The following IGF2BP2 variants were observed in gnomAD, a reference collection of about 807,000 sequenced individuals.
IGF2BP2 encodes insulin like growth factor 2 mRNA binding protein 2.
A neutral mutation model predicts 75.8 loss-of-function variants in IGF2BP2; 17 were observed. The observed-to-expected ratio is 0.22, with a 90% CI of 0.15 to 0.34. IGF2BP2 has a LOEUF of 0.34. IGF2BP2 is among the 10% of genes least tolerant of loss of function. The pLI is 1.00. For missense variants in IGF2BP2, 516 were observed against 772.4 expected, an observed-to-expected ratio of 0.67 and a Z score of 3.93; for synonymous variants, 288 against 295.6, an observed-to-expected ratio of 0.97 and a Z score of 0.26.
intron 2 of IGF2BP2, among the ~76,000 whole-genome samples, chr3:185,700,164 G>A (rs1026230610): frequency 6.6e-6 from 1 of 151,986 alleles, no homozygotes; most frequent in Admixed American, 6.6e-5. Flanking sequence ...CTGGGCAACA[G>A]CCCCAGAGAG....
chr3:185,780,110 C>T (rs1364418647), intron 2 of IGF2BP2, among the ~76,000 whole-genome samples: 1 of 152,146 alleles, frequency 6.6e-6, no homozygotes, highest in African/African-American at 2.4e-5. Flanking sequence ...TGGAATGTTC[C>T]ACTTAGTATG....
chr3:185,726,865 C>T (rs1001605429), intron 2 of IGF2BP2, among the ~76,000 whole-genome samples: 8 of 152,130 alleles, frequency 5.3e-5, no homozygotes, highest in Non-Finnish European at 1.2e-4. Context: ...TTCTCTGAAA[C>T]TTACCAAGGG....
At chr3:185,800,718 A>AAAAG (rs1553893939) in intron 2 of IGF2BP2, among the ~76,000 whole-genome samples, 69 of 143,394 alleles carry the variant, frequency 4.8e-4, no homozygotes, top group South Asian at 1.4e-3. Flanking sequence ...GAGCCAAAAA[A>AAAAG]AAAGAAAGAA....
At chr3:185,703,690 C>T (rs1479750107) in intron 2 of IGF2BP2, among the ~76,000 whole-genome samples, 2 of 152,116 alleles carry the variant, frequency 1.3e-5, no homozygotes, top group African/African-American at 4.8e-5. Context: ...AGGAGAATCA[C>T]TTGAACCTGG....
intron 2 of IGF2BP2, among the ~76,000 whole-genome samples, chr3:185,800,642 C>G (rs1186187707): frequency 6.6e-6 from 1 of 151,348 alleles, no homozygotes; most frequent in Non-Finnish European, 1.5e-5. Context: ...GAGGTTGAGG[C>G]CAGAGAATCA....
chr3:185,773,289 TAAG>T (rs1032558986), intron 2 of IGF2BP2, among the ~76,000 whole-genome samples: 42 of 152,342 alleles, frequency 2.8e-4, no homozygotes, highest in Non-Finnish European at 5.6e-4. Flanking sequence ...TCTATATTGT[TAAG>T]GAGGAATAAT....
intron 2 of IGF2BP2, among the ~76,000 whole-genome samples, chr3:185,705,151 C>T (rs931923008): frequency 6.6e-6 from 1 of 152,240 alleles, no homozygotes. Context: ...GGCTAGAGTG[C>T]AGTGGTGCGA....
At chr3:185,722,168 A>G in intron 2 of IGF2BP2, 1 of 448,932 alleles carries the variant, frequency 2.2e-6, no homozygotes, top group Non-Finnish European at 4.5e-6. Context: ...TCCTGGCCTC[A>G]AGCAATCTTC....
intron 2 of IGF2BP2, among the ~76,000 whole-genome samples, chr3:185,742,662 A>G (rs1729725805): frequency 6.6e-6 from 1 of 152,100 alleles, no homozygotes; most frequent in South Asian, 2.1e-4. Context: ...ATCTCAAAAA[A>G]AATAAAAATA....
chr3:185,651,332 CAT>C (rs1456494470), intron 13 of IGF2BP2, among the ~76,000 whole-genome samples: 1 of 152,162 alleles, frequency 6.6e-6, no homozygotes, highest in Non-Finnish European at 1.5e-5. Flanking sequence ...GGATATTCCA[CAT>C]GTTGTCCAAT....
rs969841049 is a variant in IGF2BP2 at position 185,669,479 on chromosome 3, GT to G, written c.1200+3061del. Among the ~76,000 whole-genome samples the G allele has an allele frequency of 1.6e-4, 22 of 139,808 alleles. No individual in the cohort carries two copies. The Admixed American group carries it at 1.6e-3, about 10-fold the overall frequency. The allele number at this position is 139,808 out of a possible 152,430, so 91.7% of individuals were successfully genotyped here. ...TTCTTTTTTAGGATCAGAGAAATGT[GT>G]TTTTTGGGAAATTCAAAAGTACATA... On this transcript the variant is annotated intron_variant, in intron 10 of 15. Transcript: ENST00000382199.
chr3:185,665,164 T>C (rs1450933044), intron 10 of IGF2BP2, among the ~76,000 whole-genome samples: 4 of 122,970 alleles, frequency 3.3e-5, no homozygotes, highest in African/African-American at 1.3e-4. Flanking sequence ...CAGGACCCTG[T>C]TTCTTAAAAA....
chr3:185,727,688 TTGAA>T (rs1462214554), intron 2 of IGF2BP2, among the ~76,000 whole-genome samples: 1 of 152,182 alleles, frequency 6.6e-6, no homozygotes, highest in East Asian at 1.9e-4. Context: ...ATGACACTGT[TTGAA>T]TATTATAAAT....
chr3:185,711,570 G>A (rs995863194), intron 2 of IGF2BP2, among the ~76,000 whole-genome samples: 2 of 152,182 alleles, frequency 1.3e-5, no homozygotes, highest in African/African-American at 4.8e-5. Flanking sequence ...AGCTGAGCAG[G>A]CTCCAGCAGG....
intron 2 of IGF2BP2, among the ~76,000 whole-genome samples, chr3:185,796,633 A>G (rs150111048): frequency 0.37 from 53,105 of 141,852 alleles, 10,967 homozygotes; most frequent in African/African-American, 0.56. Context: ...AAAAAAAAAA[A>G]AGAGAGAGAG....
At chr3:185,696,115 G>A (rs1032006658) in intron 4 of IGF2BP2, among the ~76,000 whole-genome samples, 12 of 151,938 alleles carry the variant, frequency 7.9e-5, no homozygotes, top group Admixed American at 4.6e-4. Flanking sequence ...ATAGATTCAC[G>A]AGCTCTTCCC....
intron 14 of IGF2BP2, 41 bp downstream of exon 14, chr3:185,649,361 GA>G: frequency 6.2e-7 from 1 of 1,607,844 alleles, no homozygotes; most frequent in Non-Finnish European, 8.5e-7. Context: ...CCAGAGCGGG[GA>G]ATCTGACCCA....
At chr3:185,713,889 T>C (rs534133301) in intron 2 of IGF2BP2, among the ~76,000 whole-genome samples, 12 of 152,124 alleles carry the variant, frequency 7.9e-5, no homozygotes, top group Non-Finnish European at 4.4e-5. Flanking sequence ...TTAGTAGAGA[T>C]GGGGTTTCAC....
intron 2 of IGF2BP2, among the ~76,000 whole-genome samples, chr3:185,730,529 G>A (rs1728025138): frequency 6.6e-6 from 1 of 150,920 alleles, no homozygotes; most frequent in African/African-American, 2.4e-5. Flanking sequence ...CCACCTCCAG[G>A]GTTCAAACAG....
Sources: gnomAD v4.1 joint callset for allele counts (sites outside exome capture counted in the v4.1 genomes callset) on GRCh38, gnomAD v4.1.1 for gene constraint, MANE v1.5 for transcripts, NCBI Gene and HGNC (gene_info 2026-07-23, HGNC 2026-07-21) for gene names.